Variants in ADCY7 observed in about 807,000 individuals in gnomAD.
The protein encoded by ADCY7 is adenylate cyclase 7.
A neutral mutation model predicts 120.6 loss-of-function variants in ADCY7; 72 were observed. The observed-to-expected ratio is 0.60, with a 90% confidence interval of 0.49 to 0.73. The LOEUF is 0.73. ADCY7 is among the 30% of genes least tolerant of loss of function. The pLI, the probability that ADCY7 is intolerant of heterozygous loss-of-function variation, is 0.00. For synonymous variants in ADCY7, 661 were observed against 628.0 expected, an observed-to-expected ratio of 1.05 and a Z score of -0.78; for missense variants, 1,227 against 1,486.0, an observed-to-expected ratio of 0.83 and a Z score of 2.87.
chr16:50,315,322 C>T (rs376830337), intron 25 of ADCY7, 37 bp from the exon 26 acceptor site: 2 of 1,593,410 alleles, frequency 1.3e-6, no homozygotes, highest in African/African-American at 2.7e-5. Flanking sequence ...GGTGTTCTTC[C>T]CGCCTCTGAA....
chr16:50,259,208 A>T (rs1422962645), intron 1 of ADCY7, among the ~76,000 whole-genome samples: 9 of 152,230 alleles, frequency 5.9e-5, no homozygotes, highest in Admixed American at 3.3e-4. Flanking sequence ...TATGCAAAAA[A>T]ATACAGGCAT....
At chr16:50,308,594 C>T in intron 16 of ADCY7, 73 bp from the exon 17 acceptor site, 1 of 1,562,786 alleles carries the variant, frequency 6.4e-7, no homozygotes, top group Admixed American at 1.8e-5. Context: ...GATACCCCTC[C>T]CCAGGCTGCC....
intron 3 of ADCY7, 63 bp from the exon 4 acceptor site, chr16:50,291,673 C>T: frequency 1.9e-6 from 3 of 1,603,036 alleles, no homozygotes; most frequent in Non-Finnish European, 1.7e-6. Context: ...GTGCAGGGTT[C>T]CGGGGGCTGT....
intron 1 of ADCY7, among the ~76,000 whole-genome samples, chr16:50,253,466 G>A (rs1021170165): frequency 6.6e-6 from 1 of 152,168 alleles, no homozygotes; most frequent in Non-Finnish European, 1.5e-5. Flanking sequence ...TGCCCAGGCT[G>A]GTCTCAAACT....
At chr16:50,312,797 A>G (rs979319941) in intron 21 of ADCY7, 93 bp from the exon 22 acceptor site, 3 of 1,069,778 alleles carry the variant, frequency 2.8e-6, no homozygotes, top group Admixed American at 2.1e-5. Flanking sequence ...TGGGCTGGGC[A>G]GTTCAGCAGT....
At chr16:50,292,010 G>A in intron 4 of ADCY7, 113 bp downstream of exon 4, 1 of 1,217,190 alleles carries the variant, frequency 8.2e-7, no homozygotes. Context: ...CGTGTTTGCA[G>A]ACAGCCCGCT....
chr16:50,260,322 A>G (rs1464501518), intron 1 of ADCY7, among the ~76,000 whole-genome samples: 1 of 152,216 alleles, frequency 6.6e-6, no homozygotes, highest in Admixed American at 6.5e-5. Flanking sequence ...AGGGTGCTGC[A>G]TGAATAAGTT....
chr16:50,256,950 C>T (rs2032934053), intron 1 of ADCY7, among the ~76,000 whole-genome samples: 1 of 152,042 alleles, frequency 6.6e-6, no homozygotes, highest in African/African-American at 2.4e-5. Context: ...GAAAATGTGA[C>T]ATATATACAC....
intron 8 of ADCY7, 21 bp downstream of exon 8, chr16:50,299,052 G>A: frequency 6.3e-7 from 1 of 1,599,708 alleles, no homozygotes. Context: ...GGCGGGCCCA[G>A]GCCCTGGGTC....
At chr16:50,265,815 C>A (rs958782248), upstream of ADCY7, among the ~76,000 whole-genome samples, 4 of 152,226 alleles carry the variant, frequency 2.6e-5, no homozygotes, top group African/African-American at 7.2e-5. Flanking sequence ...GAGGCCTCCC[C>A]CTCTGTTTTG....
chr16:50,272,768 C>A lies in ADCY7; in HGVS notation c.-269+6088C>A, dbSNP rs566377126. On this transcript the variant is annotated intron_variant, in intron 1 of 25. Coordinates refer to ENST00000673801, the MANE Select transcript of ADCY7 (RefSeq NM_001114.5). ...GTGCTGGTGTAGGCTGGGATGAGAC[C>A]TCCTTCTGTGTGTGTGCGCATCTGG... 2.2e-3 allele frequency among the ~76,000 whole-genome samples: 333 copies of A among 152,224 alleles called. 2 individuals are homozygous for A. The highest frequency in any genetic ancestry group is 7.3e-3 in the African/African-American group (304 of 41,542).
At chr16:50,309,214 T>G (rs973277100) in intron 17 of ADCY7, 1 of 349,200 alleles carries the variant, frequency 2.9e-6, no homozygotes, top group African/African-American at 2.1e-5. Flanking sequence ...CTCCCTCACC[T>G]CTCTGCCCCG....
At chr16:50,295,611 G>A (rs538182104) in intron 7 of ADCY7, among the ~76,000 whole-genome samples, 17 of 152,188 alleles carry the variant, frequency 1.1e-4, no homozygotes, top group Admixed American at 7.9e-4. Context: ...TGTGTCCATG[G>A]GGTGAACGTG....
Position 50,304,352 on chromosome 16 carries a change from GC to G in ADCY7, c.1369-5del, listed in dbSNP as rs1259338157. 2.7e-6 allele frequency: 4 copies of G among 1,501,204 alleles called. No homozygotes were observed. The highest frequency in any genetic ancestry group is 1.4e-5 in the African/African-American group (1 of 71,572). The allele number at this position is 1,501,204 out of a possible 1,614,324, so 93.0% of individuals were successfully genotyped here. On this transcript the variant is annotated splice_polypyrimidine_tract_variant and splice_region_variant and intron_variant, in intron 10 of 25. Coordinates refer to ENST00000673801, the MANE Select transcript of ADCY7 (RefSeq NM_001114.5). Reference sequence around the variant, plus strand: ...GTGGCACAGGCCCATGTCCATGTCTGCCCGCAGAGCCAGCAGCCACCCCCGC... The same window carrying G: ...GTGGCACAGGCCCATGTCCATGTCTGCCGCAGAGCCAGCAGCCACCCCCGC...
At chr16:50,259,693 A>C (rs2033008537) in intron 1 of ADCY7, among the ~76,000 whole-genome samples, 1 of 152,082 alleles carries the variant, frequency 6.6e-6, no homozygotes, top group South Asian at 2.1e-4. Context: ...GCGATTTAGG[A>C]GGGGCAGTAG....
At chr16:50,301,721 G>C (rs1213133932) in intron 10 of ADCY7, 1 of 161,516 alleles carries the variant, frequency 6.2e-6, no homozygotes, top group African/African-American at 2.4e-5. Flanking sequence ...CACTGCCCTG[G>C]CCAGGTGGGG....
At chr16:50,300,394 G>T (rs1223859987) in intron 8 of ADCY7, among the ~76,000 whole-genome samples, 1 of 152,156 alleles carries the variant, frequency 6.6e-6, no homozygotes, top group Non-Finnish European at 1.5e-5. Context: ...TTAAAACCCA[G>T]CCGGTGCTGC....
intron 10 of ADCY7, 126 bp from the exon 11 acceptor site, chr16:50,304,234 G>A: frequency 1.0e-6 from 1 of 992,852 alleles, no homozygotes; most frequent in East Asian, 3.2e-5. Context: ...CAACTTCTTT[G>A]CTGTTTATTT....
At chr16:50,293,328 C>T (rs1380219387) in intron 5 of ADCY7, 26 bp from the exon 6 acceptor site, 1 of 1,607,172 alleles carries the variant, frequency 6.2e-7, no homozygotes, top group Admixed American at 1.7e-5. Flanking sequence ...GCTGGTCCCT[C>T]TGCTGGTCTG....
Sources: gnomAD v4.1 joint callset for allele counts (sites outside exome capture counted in the v4.1 genomes callset) on GRCh38, gnomAD v4.1.1 for gene constraint, MANE v1.5 for transcripts, NCBI Gene and HGNC (gene_info 2026-07-23, HGNC 2026-07-21) for gene names.